DAB1: variants seen among roughly 807,000 people sequenced by gnomAD.
The protein encoded by DAB1 is disabled homolog 1.
DAB1 carries 15 observed loss-of-function variants against 64.6 expected under a neutral mutation model. That is an observed-to-expected ratio of 0.23 (90% CI 0.16 to 0.36). The LOEUF (loss-of-function observed/expected upper bound fraction) is 0.36, where lower values mean the gene tolerates loss of function less well. DAB1 is among the 10% of genes least tolerant of loss of function. The pLI is 1.00. For missense variants in DAB1, 596 were observed against 706.7 expected, an observed-to-expected ratio of 0.84 and a Z score of 1.78; for synonymous variants, 235 against 251.9, an observed-to-expected ratio of 0.93 and a Z score of 0.64.
chr1:57,373,242 T>C (rs1289572552), intron 1 of DAB1, among the ~76,000 whole-genome samples: 2 of 152,188 alleles, frequency 1.3e-5, no homozygotes, highest in East Asian at 3.9e-4. Flanking sequence ...TTCATTGGAA[T>C]CCTTAGGTGC....
rs1427575418 is a variant in DAB1, at chr1:58,068,834, T to C, written n.387+81677A>G. ...CTCTGACTCTTGGGTCCAATGTTCT[T>C]CCAAATTAGTATGAGAATGAGTGGG... On this transcript the variant is annotated intron_variant and non_coding_transcript_variant, in intron 5 of 20. Transcript: ENST00000485760. Among the ~76,000 whole-genome samples the C allele has an allele frequency of 2.0e-5, 3 of 151,780 alleles. No homozygotes were observed. The East Asian group carries it at 5.8e-4, about 29-fold the overall frequency.
chr1:58,336,646 C>T (rs770180592), intron 4 of DAB1, among the ~76,000 whole-genome samples: 2 of 152,160 alleles, frequency 1.3e-5, no homozygotes, highest in African/African-American at 2.4e-5. Flanking sequence ...TTTCTAGCTG[C>T]AAGACTTCAA....
chr1:57,318,847 G>A (rs965881879), intron 1 of DAB1, among the ~76,000 whole-genome samples: 4 of 151,240 alleles, frequency 2.6e-5, no homozygotes, highest in African/African-American at 9.7e-5. Context: ...TTGCATGTTT[G>A]TTTTGAAAGG....
chr1:57,560,871 T>A (rs1279705693), intron 7 of DAB1, among the ~76,000 whole-genome samples: 3 of 152,104 alleles, frequency 2.0e-5, no homozygotes, highest in Non-Finnish European at 4.4e-5. Context: ...CTTTTGAGAG[T>A]CAGCTCTTGG....
chr1:58,072,085 T>TG (rs10665790), intron 5 of DAB1, among the ~76,000 whole-genome samples: 17,152 of 82,022 alleles, frequency 0.21, 1,806 homozygotes, highest in Admixed American at 0.34. Flanking sequence ...ATTGGTGGGG[T>TG]GGGGGGGGGT....
chr1:57,379,890 A>AGGT (rs1681226070), intron 1 of DAB1, among the ~76,000 whole-genome samples: 1 of 152,226 alleles, frequency 6.6e-6, no homozygotes, highest in Non-Finnish European at 1.5e-5. Context: ...ACTTTGGGTA[A>AGGT]GTTATTTCAC....
chr1:58,300,647 AGGAAGGAAGGAAGGAAGGAAGGAAGG>A (rs1255675111), intron 4 of DAB1, among the ~76,000 whole-genome samples: 1 of 41,786 alleles, frequency 2.4e-5, no homozygotes, highest in African/African-American at 8.0e-5. Context: ...AGAGAGAGAG[AGGAAGGAAGGAAGGAAGGAAGGAAGG>A]AAGGAAGGAA....
At chr1:57,342,879 T>C (rs1677721884) in intron 1 of DAB1, among the ~76,000 whole-genome samples, 1 of 152,112 alleles carries the variant, frequency 6.6e-6, no homozygotes, top group South Asian at 2.1e-4. Flanking sequence ...TGCAGACCTT[T>C]GCGGTGAGTA....
At chr1:57,087,477 A>G (rs1054555409) in intron 4 of DAB1, among the ~76,000 whole-genome samples, 4 of 152,242 alleles carry the variant, frequency 2.6e-5, no homozygotes, top group African/African-American at 9.6e-5. Flanking sequence ...CCAGGGCAGA[A>G]GGAGGCAGCT....
chr1:57,871,629 A>ATC (rs2101957310), intron 1 of DAB1, among the ~76,000 whole-genome samples: 1 of 152,320 alleles, frequency 6.6e-6, no homozygotes, highest in East Asian at 1.9e-4. Flanking sequence ...CTTCTGGTTT[A>ATC]TAAGCATCTA....
At chr1:57,340,600 G>A (rs150733903) in intron 1 of DAB1, among the ~76,000 whole-genome samples, 14 of 152,298 alleles carry the variant, frequency 9.2e-5, no homozygotes, top group South Asian at 4.1e-4. Context: ...TTCCTTTGGC[G>A]GATGCAGTGT....
In DAB1 at chr1:58,373,329, C is replaced by G. The variant is rs200887906; in HGVS notation, n.258-29926G>C. On this transcript the variant is annotated intron_variant and non_coding_transcript_variant, in intron 3 of 20. Coordinates refer to the DAB1 transcript ENST00000485760. ...CAATGCTATCCCTCCCCACTCCCCC[C>G]TCCCCACCACAGTCCCCAGAGTGTG... Among the ~76,000 whole-genome samples the G allele has an allele frequency of 8.5e-4, 76 of 89,494 alleles. 5 individuals carry two copies. Among genetic ancestry groups the G allele is most frequent in the East Asian group, 4.4e-3 (12 of 2,712 alleles). The allele number at this position is 89,494 out of a possible 152,430, so 58.7% of individuals were successfully genotyped here.
intron 2 of DAB1, among the ~76,000 whole-genome samples, chr1:57,168,893 A>C (rs1348823387): frequency 6.6e-6 from 1 of 152,004 alleles, no homozygotes; most frequent in African/African-American, 2.4e-5. Context: ...CTCTCTCTAC[A>C]AAAAATTTAA....
Position 58,366,384 on chromosome 1 carries a change from C to T in DAB1, n.258-22981G>A, listed in dbSNP as rs376900857. Among the ~76,000 whole-genome samples, 82 of 152,260 alleles carry T rather than the reference C, an allele frequency of 5.4e-4. 1 individual carries two copies. In the South Asian group the frequency reaches 0.016, roughly 29 times the overall value. On this transcript the variant is annotated intron_variant and non_coding_transcript_variant, in intron 3 of 20. Transcript: ENST00000485760. ...AGGGATCCACTAGTTATATCACATA[C>T]GAGAATCTTCTGATTTTATGGTGCA...
At chr1:57,812,170 G>A (rs1308957957) in intron 6 of DAB1, among the ~76,000 whole-genome samples, 2 of 151,966 alleles carry the variant, frequency 1.3e-5, no homozygotes, top group Non-Finnish European at 2.9e-5. Context: ...GAAGGTGCCA[G>A]TATAAAAAGA....
intron 1 of DAB1, chr1:57,880,548 C>A (rs1046227039): frequency 6.6e-6 from 1 of 152,160 alleles, no homozygotes; most frequent in African/African-American, 2.4e-5. Flanking sequence ...CCATCCCTAT[C>A]GGAATGAATG....
At chr1:57,462,413 C>T (rs941589616) in intron 7 of DAB1, among the ~76,000 whole-genome samples, 1 of 152,112 alleles carries the variant, frequency 6.6e-6, no homozygotes, top group South Asian at 2.1e-4. Context: ...AAACTATGTT[C>T]TTTGGAGTTC....
intron 7 of DAB1, among the ~76,000 whole-genome samples, chr1:57,559,161 G>A (rs1397619220): frequency 1.3e-5 from 2 of 152,238 alleles, no homozygotes; most frequent in Non-Finnish European, 2.9e-5. Context: ...TCTGACTCAT[G>A]TAGAGCTCTG....
intron 4 of DAB1, among the ~76,000 whole-genome samples, chr1:58,233,880 G>A (rs537054950): frequency 2.6e-5 from 4 of 152,276 alleles, no homozygotes; most frequent in South Asian, 2.1e-4. Context: ...GAGTATGAAC[G>A]CCTGAGTGAA....
Sources: gnomAD v4.1 joint callset for allele counts (sites outside exome capture counted in the v4.1 genomes callset) on GRCh38, gnomAD v4.1.1 for gene constraint, MANE v1.5 for transcripts, NCBI Gene and HGNC (gene_info 2026-07-23, HGNC 2026-07-21) for gene names.